Variants in TJP1 observed in about 807,000 individuals in gnomAD.
TJP1 encodes the protein tight junction protein 1, also known as tight junction protein ZO-1.
In TJP1, 43 loss-of-function variants were observed where a neutral mutation model predicts 194.2. The ratio of observed to expected loss-of-function variants is 0.22; its 90% CI spans 0.17 to 0.29. The LOEUF is 0.29. Among genes scored for constraint, TJP1 ranks in the 10% least tolerant of loss-of-function variants. The pLI is 1.00. For missense variants in TJP1, 1,971 were observed against 2,185.7 expected (o/e 0.90, Z 1.96); for synonymous variants, 801 against 779.0 (o/e 1.03, Z -0.47).
intron 2 of TJP1, among the ~76,000 whole-genome samples, chr15:29,882,637 G>C (rs1006317693): frequency 2.0e-5 from 3 of 152,202 alleles, no homozygotes; most frequent in African/African-American, 7.2e-5. Flanking sequence ...AATGTGTTGG[G>C]CAAATGAAGA....
chr15:29,926,491 A>C (rs912308640), intron 2 of TJP1, among the ~76,000 whole-genome samples: 1 of 152,186 alleles, frequency 6.6e-6, no homozygotes, highest in Non-Finnish European at 1.5e-5. Flanking sequence ...GCATGCCTGT[A>C]ATCTCAGCTA....
At chr15:29,886,936 A>G (rs2053133786) in intron 2 of TJP1, among the ~76,000 whole-genome samples, 1 of 152,114 alleles carries the variant, frequency 6.6e-6, no homozygotes, top group African/African-American at 2.4e-5. Context: ...GGAAAGAACA[A>G]CAAAGAAAAT....
At chr15:29,775,806 C>A (rs2046980174) in intron 2 of TJP1, among the ~76,000 whole-genome samples, 2 of 151,972 alleles carry the variant, frequency 1.3e-5, no homozygotes, top group Admixed American at 6.6e-5. Flanking sequence ...AACATAATTC[C>A]TGAGGAAATA....
At chr15:29,890,974 G>A (rs187033923) in intron 2 of TJP1, among the ~76,000 whole-genome samples, 1 of 152,342 alleles carries the variant, frequency 6.6e-6, no homozygotes. Context: ...AAGGGCACTG[G>A]CACCAGGCCA....
chr15:29,733,201 G>A lies in TJP1; in HGVS notation c.1629C>T (p.Phe543=). Residue 543 remains phenylalanine, a synonymous_variant, in exon 13 of 28, where the codon TTC becomes TTT. Transcript: ENST00000614355. ...YGLSFNKGEV[F]RVVDTLYNGK... The stretch of plus-strand genomic sequence containing the variant: ...CATTGTACAAGGTATCCACAACACG[G>A]AACACCTCTCCTTTGTTAAAACTAA... 1 of 1,614,066 alleles carries A rather than the reference G, an allele frequency of 6.2e-7. No individual in the cohort carries two copies. Among genetic ancestry groups the A allele is most frequent in the Non-Finnish European group, 8.5e-7 (1 of 1,179,980 alleles).
rs757734926 is a variant in TJP1, at chr15:29,761,667, C to T, written c.796G>A (p.Ala266Thr). Residue 266 changes from alanine (A) to threonine (T), a missense_variant, in exon 7 of 28, where the codon GCT becomes ACT. By Grantham distance (58) the Ala-to-Thr change is moderately conservative. This residue lies in a region of TJP1 where 245 missense variants were observed against 336.6 expected (regional missense o/e 0.73). Coordinates refer to ENST00000614355, the MANE Select transcript of TJP1 (RefSeq NM_001330239.4). ...LKMVVQRDER[A>T]TLLNVPDLSD... is the part of the protein sequence containing the mutation. ...AGATCAGGGACATTCAATAGCGTAGCCCGTTCATCTCTTTGAACTACCATT... is the reference window on the plus strand; with the variant it reads ...AGATCAGGGACATTCAATAGCGTAGTCCGTTCATCTCTTTGAACTACCATT... The T allele has an allele frequency of 6.2e-7, 1 of 1,611,096 alleles. No individual in the cohort carries two copies. The highest frequency in any genetic ancestry group is 8.5e-7 in the Non-Finnish European group (1 of 1,177,692).
intron 8 of TJP1, among the ~76,000 whole-genome samples, chr15:29,752,809 A>G (rs1238664774): frequency 6.6e-6 from 1 of 152,252 alleles, no homozygotes; most frequent in Admixed American, 6.5e-5. Flanking sequence ...CAAATTTTTT[A>G]AAACAGAAAA....
chr15:29,874,260 A>T (rs2052623059), intron 2 of TJP1, among the ~76,000 whole-genome samples: 2 of 152,192 alleles, frequency 1.3e-5, no homozygotes, highest in African/African-American at 4.8e-5. Flanking sequence ...ACAGAAGAGA[A>T]CGCCTGCAGG....
intron 2 of TJP1, among the ~76,000 whole-genome samples, chr15:29,799,928 T>G (rs1377030716): frequency 3.9e-5 from 6 of 152,020 alleles, no homozygotes; most frequent in Admixed American, 3.9e-4. Flanking sequence ...AGAAAGGGAG[T>G]AATCAGTAGA....
chr15:29,820,238 G>A (rs1176999589), intron 1 of TJP1, among the ~76,000 whole-genome samples: 1 of 150,506 alleles, frequency 6.6e-6, no homozygotes, highest in African/African-American at 2.5e-5. Flanking sequence ...AGTCCAGCCT[G>A]GCTCTTAGTA....
intron 2 of TJP1, among the ~76,000 whole-genome samples, chr15:29,829,824 T>C (rs1329980432): frequency 6.6e-6 from 1 of 152,042 alleles, no homozygotes; most frequent in Non-Finnish European, 1.5e-5. Context: ...TAAGCATACT[T>C]TTTATTTTAA....
chr15:29,818,423 A>C (rs891404678), intron 1 of TJP1, among the ~76,000 whole-genome samples: 2 of 152,248 alleles, frequency 1.3e-5, no homozygotes, highest in African/African-American at 2.4e-5. Flanking sequence ...CAACTTTCTA[A>C]TAATCTTAAA....
chr15:29,840,495 A>C (rs2051184451), intron 2 of TJP1, among the ~76,000 whole-genome samples: 1 of 152,200 alleles, frequency 6.6e-6, no homozygotes, highest in South Asian at 2.1e-4. Context: ...GGGTGACGGA[A>C]GACAGGCTCG....
chr15:29,748,500 C>T (rs2044963598), intron 8 of TJP1, among the ~76,000 whole-genome samples: 1 of 148,768 alleles, frequency 6.7e-6, no homozygotes, highest in African/African-American at 2.5e-5. Context: ...CAATCAGTGG[C>T]AATTATTGAA....
chr15:29,785,049 ATTT>A lies in TJP1; in HGVS notation c.85-11695_85-11693del, dbSNP rs533109756. 3.2e-3 allele frequency among the ~76,000 whole-genome samples: 480 copies of A among 152,248 alleles called. 2 individuals are homozygous for A. Among genetic ancestry groups the A allele is most frequent in the African/African-American group, 0.011 (464 of 41,552 alleles). ...TTTCAAAAGAAATGGAAAATGTGCC[ATTT>A]TTTTCTCATCTATCTTCAACGTAAA... is the stretch of plus-strand genomic sequence containing the variant. On this transcript the variant is annotated intron_variant, in intron 2 of 27. Coordinates refer to ENST00000614355, the MANE Select transcript of TJP1 (RefSeq NM_001330239.4).
intron 2 of TJP1, among the ~76,000 whole-genome samples, chr15:29,930,762 T>A (rs193204228): frequency 6.6e-6 from 1 of 152,066 alleles, no homozygotes; most frequent in Non-Finnish European, 1.5e-5. Context: ...GGCGTAAGGA[T>A]TGGAAAGGAA....
chr15:29,700,363 C>T lies in TJP1; in HGVS notation c.*1232G>A. On this transcript the variant is annotated 3_prime_UTR_variant, in exon 28 of 28. Coordinates refer to ENST00000614355, the MANE Select transcript of TJP1 (RefSeq NM_001330239.4). ...CACAAATTACAGTAGGGATACTTTG[C>T]AAGAATTTAATCAAACTAGAGAATT... The T allele has an allele frequency of 2.5e-6, 1 of 398,786 alleles. No homozygotes were observed. Among genetic ancestry groups the T allele is most frequent in the Non-Finnish European group, 4.4e-6 (1 of 226,004 alleles). The allele number at this position is 398,786 out of a possible 1,614,324, so 24.7% of individuals were successfully genotyped here.
intron 2 of TJP1, among the ~76,000 whole-genome samples, chr15:29,827,737 C>A (rs1262030053): frequency 6.6e-6 from 1 of 152,108 alleles, no homozygotes; most frequent in Non-Finnish European, 1.5e-5. Flanking sequence ...AGGATGGAAA[C>A]CCTGGAAGAA....
intron 2 of TJP1, among the ~76,000 whole-genome samples, chr15:29,849,479 C>T (rs1389522386): frequency 6.6e-6 from 1 of 150,736 alleles, no homozygotes; most frequent in Non-Finnish European, 1.5e-5. Context: ...TGACTCATAC[C>T]TGTAATCCCA....
Sources: gnomAD v4.1 joint callset for allele counts (sites outside exome capture counted in the v4.1 genomes callset) on GRCh38, gnomAD v4.1.1 for gene constraint, gnomAD v4.1.1 regional missense constraint, MANE v1.5 for transcripts, NCBI Gene and HGNC (gene_info 2026-07-23, HGNC 2026-07-21) for gene names.